Variants in APP observed in about 807,000 individuals in gnomAD.
APP encodes amyloid beta precursor protein, also known as amyloid-beta precursor protein.
A neutral mutation model predicts 101.4 loss-of-function variants in APP; 31 were observed. The observed-to-expected ratio is 0.31, with a 90% CI of 0.23 to 0.41. APP has a LOEUF of 0.41. Ranked by LOEUF, APP falls within the 10% of genes least tolerant of loss-of-function variation. The pLI is 1.00. For missense variants in APP, 839 were observed against 1,003.7 expected (o/e 0.84, Z 2.22); for synonymous variants, 366 against 364.4 (o/e 1.00, Z -0.05).
intron 1 of APP, among the ~76,000 whole-genome samples, chr21:26,125,802 G>A (rs1041615243): frequency 6.6e-6 from 1 of 152,170 alleles, no homozygotes; most frequent in African/African-American, 2.4e-5. Flanking sequence ...ATTCATCTAC[G>A]TTTCATTGCC....
At chr21:26,127,449 A>G (rs1307123694) in intron 1 of APP, among the ~76,000 whole-genome samples, 2 of 152,244 alleles carry the variant, frequency 1.3e-5, no homozygotes, top group Admixed American at 1.3e-4. Context: ...AATAGGTTAC[A>G]TAAATCAAAA....
chr21:26,001,549 C>T (rs557991278), intron 6 of APP, among the ~76,000 whole-genome samples: 35 of 152,264 alleles, frequency 2.3e-4, no homozygotes, highest in African/African-American at 7.7e-4. Context: ...CTTGCACTGC[C>T]GCCCAGTGGC....
At chr21:25,885,997 T>C (rs763152869) in intron 17 of APP, among the ~76,000 whole-genome samples, 60 of 152,136 alleles carry the variant, frequency 3.9e-4, no homozygotes, top group Admixed American at 2.2e-3. Flanking sequence ...CATTTTATTA[T>C]GTACAGTAAC....
intron 3 of APP, 28 bp downstream of exon 3, chr21:26,089,915 A>AC: frequency 6.2e-7 from 1 of 1,613,530 alleles, no homozygotes; most frequent in Admixed American, 1.7e-5. Flanking sequence ...CCCCCAATCA[A>AC]CACCAGCCCC....
At chr21:26,135,998 G>A (rs2062890345) in intron 1 of APP, among the ~76,000 whole-genome samples, 1 of 151,320 alleles carries the variant, frequency 6.6e-6, no homozygotes, top group Non-Finnish European at 1.5e-5. Flanking sequence ...CAGGCATCGT[G>A]GTGCACACCT....
At chr21:26,003,933 A>G (rs1003304586) in intron 6 of APP, among the ~76,000 whole-genome samples, 6 of 151,882 alleles carry the variant, frequency 4.0e-5, no homozygotes. Context: ...TTATATTCCT[A>G]CTCTACTACA....
chr21:26,116,876 G>A (rs574274639), intron 1 of APP, among the ~76,000 whole-genome samples: 2 of 151,928 alleles, frequency 1.3e-5, no homozygotes, highest in African/African-American at 2.4e-5. Flanking sequence ...TCAGATTCTT[G>A]CATAATCTCA....
chr21:26,095,542 A>G (rs2061923436), intron 2 of APP, among the ~76,000 whole-genome samples: 2 of 152,200 alleles, frequency 1.3e-5, no homozygotes, highest in South Asian at 4.1e-4. Flanking sequence ...TACTGTGCCT[A>G]ATTTGTAAAT....
intron 13 of APP, among the ~76,000 whole-genome samples, chr21:25,943,344 G>A (rs535188770): frequency 7.8e-4 from 118 of 151,988 alleles, no homozygotes; most frequent in African/African-American, 2.2e-3. Context: ...TAGTAGAGAC[G>A]GGGTTTCTCC....
intron 13 of APP, among the ~76,000 whole-genome samples, chr21:25,932,588 C>G (rs1008246668): frequency 6.6e-6 from 1 of 152,172 alleles, no homozygotes; most frequent in African/African-American, 2.4e-5. Context: ...AAGACCTCAT[C>G]CAGGCTTCTG....
chr21:26,008,350 T>C (rs2043630194), intron 6 of APP, among the ~76,000 whole-genome samples: 1 of 152,178 alleles, frequency 6.6e-6, no homozygotes, highest in African/African-American at 2.4e-5. Context: ...CTGTTTGTTA[T>C]GGGAATAAAC....
intron 2 of APP, among the ~76,000 whole-genome samples, chr21:26,096,029 A>C (rs987667002): frequency 1.3e-5 from 2 of 152,216 alleles, no homozygotes; most frequent in African/African-American, 2.4e-5. Context: ...CAAGTCCTAC[A>C]AATTTTCCTA....
chr21:26,168,121 G>A (rs1257912887), intron 1 of APP, among the ~76,000 whole-genome samples: 1 of 152,058 alleles, frequency 6.6e-6, no homozygotes, highest in Non-Finnish European at 1.5e-5. Context: ...ATAAATATTA[G>A]GGTAGTGAAA....
intron 5 of APP, 141 bp from the exon 6 acceptor site, chr21:26,022,183 C>T: frequency 1.9e-6 from 2 of 1,056,604 alleles, no homozygotes; most frequent in Admixed American, 1.7e-5. Flanking sequence ...AAGTATAAAT[C>T]CCAGCTCAGT....
chr21:26,152,437 C>T (rs2830094), intron 1 of APP, among the ~76,000 whole-genome samples: 55,139 of 151,780 alleles, frequency 0.36, 10,853 homozygotes, highest in African/African-American at 0.53. Context: ...ATTCAGTAAA[C>T]ATTACATGTA....
At chr21:25,909,673 C>A (rs753995832) in intron 14 of APP, among the ~76,000 whole-genome samples, 1 of 152,118 alleles carries the variant, frequency 6.6e-6, no homozygotes, top group South Asian at 2.1e-4. Flanking sequence ...GCAAATTTAG[C>A]GTGCATTCAA....
chr21:26,139,777 C>A lies in APP; in HGVS notation c.58-27631G>T, dbSNP rs151098736. Among the ~76,000 whole-genome samples the A allele has an allele frequency of 3.4e-4, 52 of 152,196 alleles. No homozygotes were observed. The East Asian group carries it at 9.9e-3, about 29-fold the overall frequency. Reference sequence around the variant, plus strand: ...ACGTGGTGGCACACACCTGTAGTCCCAGCTACTCAGGAGGCTGAGGGAGGA... The same window carrying A: ...ACGTGGTGGCACACACCTGTAGTCCAAGCTACTCAGGAGGCTGAGGGAGGA... On this transcript the variant is annotated intron_variant, in intron 1 of 17. Coordinates refer to ENST00000346798, the MANE Select transcript of APP (RefSeq NM_000484.4).
At chr21:25,976,237 C>T (rs1371689738) in intron 9 of APP, among the ~76,000 whole-genome samples, 1 of 151,960 alleles carries the variant, frequency 6.6e-6, no homozygotes, top group Non-Finnish European at 1.5e-5. Context: ...CATAAATGTT[C>T]ATATTTATTG....
intron 5 of APP, among the ~76,000 whole-genome samples, chr21:26,045,291 C>T (rs2045561031): frequency 6.6e-6 from 1 of 151,696 alleles, no homozygotes; most frequent in Non-Finnish European, 1.5e-5. Flanking sequence ...AAAAAAAAGA[C>T]CAAGAAATAT....
Sources: gnomAD v4.1 joint callset for allele counts (sites outside exome capture counted in the v4.1 genomes callset) on GRCh38, gnomAD v4.1.1 for gene constraint, MANE v1.5 for transcripts, NCBI Gene and HGNC (gene_info 2026-07-23, HGNC 2026-07-21) for gene names.